Variants in DUSP22 observed in about 807,000 individuals in gnomAD.
DUSP22 encodes dual specificity phosphatase 22.
In DUSP22, 24 loss-of-function variants were observed where a neutral mutation model predicts 24.5. The observed-to-expected ratio is 0.98, with a 90% CI of 0.71 to 1.38. The LOEUF is 1.38. Among genes scored for constraint, DUSP22 ranks in the 40% most tolerant of loss-of-function variants. The pLI, the probability that DUSP22 is intolerant of heterozygous loss-of-function variation, is 0.00. For missense variants in DUSP22, 330 were observed against 269.2 expected (o/e 1.23, Z -1.58); for synonymous variants, 160 against 106.4 (o/e 1.50, Z -3.10).
At position 349,424 on chromosome 6, in the gene DUSP22, A is replaced by G. The variant is rs887217441; in HGVS notation, c.*473A>G. ...GGTGTGGCCACCTTTCCCTTTGTCC[A>G]AGACTCCACATGGAAGGCATTTGAG... On this transcript the variant is annotated 3_prime_UTR_variant, in exon 7 of 7. Coordinates refer to ENST00000419235, the MANE Select transcript of DUSP22 (RefSeq NM_001286555.3). The G allele has an allele frequency of 9.8e-7, 1 of 1,015,436 alleles. No individual in the cohort carries two copies. The highest frequency in any genetic ancestry group is 1.2e-6 in the Non-Finnish European group (1 of 848,434). 62.9% of individuals were successfully genotyped at this position (1,015,436 alleles called of 1,614,324 possible). A position where few individuals can be genotyped will look rare whatever the true frequency, so the allele number is the denominator to read the frequency against.
chr6:308,830 A>G (rs1757941426), intron 2 of DUSP22, among the ~76,000 whole-genome samples: 2 of 152,308 alleles, frequency 1.3e-5, no homozygotes, highest in African/African-American at 4.8e-5. Flanking sequence ...AGTAGATTGA[A>G]ACAAATACGG....
At position 349,037 on chromosome 6, in the gene DUSP22, A is replaced by G. The variant is rs575762092; in HGVS notation, c.*86A>G. ...GGTGCGGTGGTGGTGGCCGATGAGG[A>G]CAGGAAAGGGAGATAGCCAGGGCGA... On this transcript the variant is annotated 3_prime_UTR_variant, in exon 7 of 7. Coordinates refer to ENST00000419235, the MANE Select transcript of DUSP22 (RefSeq NM_001286555.3). The G allele has an allele frequency of 4.6e-6, 7 of 1,521,466 alleles. No individual in the cohort carries two copies. In the East Asian group the frequency reaches 1.7e-4, roughly 37 times the overall value. The allele number at this position is 1,521,466 out of a possible 1,614,324, so 94.2% of individuals were successfully genotyped here.
At chr6:332,025 G>A (rs1351963318) in intron 3 of DUSP22, among the ~76,000 whole-genome samples, 1 of 152,308 alleles carries the variant, frequency 6.6e-6, no homozygotes, top group African/African-American at 2.4e-5. Context: ...TGGCACAAAT[G>A]ATGGTGCTTT....
At position 348,879 on chromosome 6, in the gene DUSP22, C is replaced by T. The variant is rs372511254; in HGVS notation, c.546C>T (p.Pro182=). The T allele has an allele frequency of 1.2e-4, 195 of 1,614,096 alleles. No individual in the cohort carries two copies. In the South Asian group the frequency reaches 1.3e-3, roughly 11 times the overall value. Residue 182 remains proline (P), a synonymous_variant, in exon 7 of 7, where the codon CCC becomes CCT. Coordinates refer to ENST00000419235, the MANE Select transcript of DUSP22 (RefSeq NM_001286555.3). ...YKEQGRTEPQ[P]GARRWSSFPA... is the part of the protein sequence containing the mutation. ...AGCAAGGGCGCACAGAGCCCCAGCC[C>T]GGCGCCAGGCGGTGGAGCAGTTTTC...
At position 335,124 on chromosome 6, in the gene DUSP22, A is replaced by T; in HGVS notation, c.149A>T (p.Tyr50Phe). The stretch of plus-strand genomic sequence containing the variant: ...TTTATTATTCTGCAGGGAGTTAAAT[A>T]CCTGTGCATCCCAGCAGCGGATTCA... Reference protein sequence around the residue: ...SARPMLEGVKYLCIPAADSPS... With the variant: ...SARPMLEGVKFLCIPAADSPS... Residue 50 changes from tyrosine to phenylalanine, a missense_variant, in exon 4 of 7, where the codon TAC (tyrosine) becomes TTC (phenylalanine). By Grantham distance (22) the Tyr-to-Phe change is conservative. Transcript: ENST00000419235. 1 of 1,613,862 alleles carries T rather than the reference A, an allele frequency of 6.2e-7. No individual in the cohort carries two copies. Among genetic ancestry groups the T allele is most frequent in the Non-Finnish European group, 8.5e-7 (1 of 1,179,720 alleles).
intron 3 of DUSP22, among the ~76,000 whole-genome samples, chr6:316,544 T>C (rs6909709): frequency 1.3e-5 from 2 of 152,306 alleles, no homozygotes; most frequent in African/African-American, 4.8e-5. Context: ...TGAAAACTCC[T>C]ATTGCAAAGA....
chr6:303,974 T>C (rs1391701020), intron 1 of DUSP22, among the ~76,000 whole-genome samples: 1 of 152,302 alleles, frequency 6.6e-6, no homozygotes, highest in Non-Finnish European at 1.5e-5. Context: ...AGACGTGTTC[T>C]TCTTAACCTG....
intron 4 of DUSP22, among the ~76,000 whole-genome samples, chr6:340,024 C>G (rs1001535143): frequency 3.3e-5 from 5 of 152,294 alleles, no homozygotes; most frequent in African/African-American, 1.2e-4. Context: ...TTCATTTATT[C>G]CACTTAAAAG....
At chr6:331,908 C>T (rs577149856) in intron 3 of DUSP22, among the ~76,000 whole-genome samples, 34 of 152,412 alleles carry the variant, frequency 2.2e-4, no homozygotes, top group African/African-American at 5.3e-4. Context: ...CTCTCAGCTG[C>T]GTCCTGTTGC....
chr6:304,088 C>T (rs1757705632), intron 1 of DUSP22, among the ~76,000 whole-genome samples: 1 of 152,300 alleles, frequency 6.6e-6, no homozygotes, highest in African/African-American at 2.4e-5. Context: ...CGTTTGCTGC[C>T]CAAGGAGTTT....
At chr6:338,679 A>G (rs1421633584) in intron 4 of DUSP22, among the ~76,000 whole-genome samples, 1 of 152,308 alleles carries the variant, frequency 6.6e-6, no homozygotes, top group Non-Finnish European at 1.5e-5. Context: ...GAGTTTCTCT[A>G]TTCAATGATA....
Position 350,807 on chromosome 6 carries a change from G to A in DUSP22, c.*1856G>A, listed in dbSNP as rs766682471. On this transcript the variant is annotated 3_prime_UTR_variant, in exon 7 of 7. Transcript: ENST00000419235. The stretch of plus-strand genomic sequence containing the variant: ...TGTTTTAATATTTGTTGCCAGTAAT[G>A]TTCTTTCTTCACAGCCGCTCCGGGA... The A allele has an allele frequency of 1.1e-5, 17 of 1,614,124 alleles. No homozygotes were observed. Among genetic ancestry groups the A allele is most frequent in the Non-Finnish European group, 1.4e-5 (17 of 1,180,012 alleles).
chr6:309,577 C>G (rs1288645861), intron 2 of DUSP22, among the ~76,000 whole-genome samples: 1 of 152,294 alleles, frequency 6.6e-6, no homozygotes, highest in African/African-American at 2.4e-5. Flanking sequence ...GCTTCATCAT[C>G]AAGGCTTGTT....
In DUSP22 at chr6:350,303, T is replaced by C. The variant is rs1760134702; in HGVS notation, c.*1352T>C. On this transcript the variant is annotated 3_prime_UTR_variant, in exon 7 of 7. Coordinates refer to ENST00000419235, the MANE Select transcript of DUSP22 (RefSeq NM_001286555.3). The stretch of plus-strand genomic sequence containing the variant: ...ACGAGAGCATCTACAGTTTGTACTC[T>C]GGGGCTGCAGGCATCCTGGGACGCT... 2 of 998,682 alleles carry C rather than the reference T, an allele frequency of 2.0e-6. No individual in the cohort carries two copies. The highest frequency in any genetic ancestry group is 4.4e-5 in the South Asian group (1 of 22,726). The allele number at this position is 998,682 out of a possible 1,614,324, so 61.9% of individuals were successfully genotyped here. A position where few individuals can be genotyped will look rare whatever the true frequency, so the allele number is the denominator to read the frequency against.
At chr6:306,568 A>T (rs976733266) in intron 2 of DUSP22, among the ~76,000 whole-genome samples, 4 of 152,300 alleles carry the variant, frequency 2.6e-5, no homozygotes, top group Non-Finnish European at 5.9e-5. Context: ...TGATATTGGT[A>T]TGAGGTTGTG....
chr6:335,306 C>A, intron 4 of DUSP22, 143 bp downstream of exon 4: 1 of 1,081,706 alleles, frequency 9.2e-7, no homozygotes, highest in Non-Finnish European at 1.4e-6. Flanking sequence ...TGTGAGCCTA[C>A]AGAGGCCAAC....
rs1760003909 is a variant in DUSP22 at position 348,632 on chromosome 6, G to A, written c.436-137G>A. 2.8e-6 allele frequency: 4 copies of A among 1,445,448 alleles called. No individual in the cohort carries two copies. In the South Asian group the frequency reaches 3.9e-5, roughly 14 times the overall value. 89.5% of individuals were successfully genotyped at this position (1,445,448 alleles called of 1,614,324 possible). On this transcript the variant is annotated intron_variant, in intron 6 of 6. Transcript: ENST00000419235. The stretch of plus-strand genomic sequence containing the variant: ...TTGACCCTGGCTGGCCAACCACAGA[G>A]CTCTGATTTCCCACTGCTGTTTGTT...
intron 2 of DUSP22, among the ~76,000 whole-genome samples, chr6:308,702 T>C (rs1252703887): frequency 6.6e-6 from 1 of 152,302 alleles, no homozygotes; most frequent in African/African-American, 2.4e-5. Flanking sequence ...TCTAAAGTTA[T>C]ATATTGTGGC....
chr6:332,408 G>GAACCAC, intron 3 of DUSP22, among the ~76,000 whole-genome samples: 1 of 152,304 alleles, frequency 6.6e-6, no homozygotes, highest in African/African-American at 2.4e-5. Flanking sequence ...CCCAGATGGA[G>GAACCAC]AGATAGCCTT....
Sources: allele counts gnomAD v4.1 joint callset (sites outside exome capture counted in the v4.1 genomes callset), GRCh38; gene constraint gnomAD v4.1.1; transcripts MANE v1.5; gene names NCBI Gene and HGNC (gene_info 2026-07-23, HGNC 2026-07-21).